The following ZNF682 variants were observed in gnomAD, a reference collection of about 807,000 sequenced individuals.
The protein encoded by ZNF682 is zinc finger protein 682.
ZNF682 carries 29 observed loss-of-function variants against 36.5 expected under a neutral mutation model. The ratio of observed to expected loss-of-function variants is 0.80; its 90% CI spans 0.59 to 1.08. The LOEUF (loss-of-function observed/expected upper bound fraction) is 1.08. ZNF682 is among the 50% of genes least tolerant of loss of function. The probability of loss-of-function intolerance (pLI) is 0.00; values close to 1 mark genes in which losing one functional copy is unlikely to be tolerated. For missense variants in ZNF682, 561 were observed against 579.7 expected, an observed-to-expected ratio of 0.97 and a Z score of 0.33; for synonymous variants, 180 against 197.0, an observed-to-expected ratio of 0.91 and a Z score of 0.72.
At chr19:20,030,210 G>A (rs898453968) in intron 1 of ZNF682, among the ~76,000 whole-genome samples, 4 of 152,142 alleles carry the variant, frequency 2.6e-5, no homozygotes, top group African/African-American at 9.7e-5. Context: ...AAAATGCATA[G>A]TGTTTTCTAG....
At chr19:20,021,545 ATTAAC>A (rs1367978521) in intron 3 of ZNF682, among the ~76,000 whole-genome samples, 4 of 152,208 alleles carry the variant, frequency 2.6e-5, no homozygotes, top group Non-Finnish European at 5.9e-5. Flanking sequence ...AGATGCATTC[ATTAAC>A]TTAACTGTAT....
At chr19:20,035,113 T>C (rs1051204268) in intron 1 of ZNF682, among the ~76,000 whole-genome samples, 3 of 152,184 alleles carry the variant, frequency 2.0e-5, no homozygotes, top group Non-Finnish European at 2.9e-5. Flanking sequence ...CATATATACA[T>C]ATAGACACTA....
intron 3 of ZNF682, among the ~76,000 whole-genome samples, chr19:20,012,767 CAAAAA>C (rs35481536): frequency 1.2e-5 from 1 of 83,740 alleles, no homozygotes. Context: ...GACTCCGTCT[CAAAAA>C]AAAAAAAAAA....
At chr19:20,001,998 A>G (rs902233903), downstream of ZNF682, among the ~76,000 whole-genome samples, 1 of 152,196 alleles carries the variant, frequency 6.6e-6, no homozygotes, top group Admixed American at 6.5e-5. Context: ...GGAGGTGTGC[A>G]GGGGATTTAG....
Position 20,012,209 on chromosome 19 carries a change from TAGA to T in ZNF682, c.227-4937_227-4935del, listed in dbSNP as rs551789083. On this transcript the variant is annotated intron_variant, in intron 3 of 3. Coordinates refer to ENST00000397165, the MANE Select transcript of ZNF682 (RefSeq NM_033196.3). Reference sequence around the variant, plus strand: ...AACGAGAACAAAGTAAATCCAAAGCTAGAAGAAGAAAAGAAATAATTCAAATCA... The same window carrying T: ...AACGAGAACAAAGTAAATCCAAAGCTAGAAGAAAAGAAATAATTCAAATCA... Among the ~76,000 whole-genome samples, 6 of 151,934 alleles carry T rather than the reference TAGA, an allele frequency of 3.9e-5. No individual in the cohort carries two copies. In the South Asian group the frequency reaches 1.0e-3, roughly 26 times the overall value.
intron 1 of ZNF682, among the ~76,000 whole-genome samples, chr19:20,031,601 C>T (rs1057467303): frequency 3.9e-5 from 6 of 152,190 alleles, no homozygotes; most frequent in African/African-American, 1.4e-4. Flanking sequence ...GCATGCTGCG[C>T]AAAACCAGAG....
At chr19:19,997,272 G>A (rs566963005) in intron 3 of ZNF682, 127 of 398,578 alleles carry the variant, frequency 3.2e-4, no homozygotes, top group African/African-American at 2.0e-3. Flanking sequence ...ACCTGAAATG[G>A]AAATGAGCTA....
intron 3 of ZNF682, chr19:20,008,199 T>C (rs911544810): frequency 2.0e-5 from 3 of 152,238 alleles, no homozygotes; most frequent in Admixed American, 6.5e-5. Context: ...AGTCATGGGA[T>C]CATGAGCCAG....
intron 3 of ZNF682, 117 bp downstream of exon 3, chr19:20,022,887 G>A (rs757932302): frequency 8.5e-6 from 7 of 825,920 alleles, no homozygotes; most frequent in Admixed American, 4.3e-5. Flanking sequence ...AAACAATCAC[G>A]TTCCTCAAAA....
chr19:20,026,165 T>C (rs955177202), intron 1 of ZNF682, among the ~76,000 whole-genome samples: 1 of 151,772 alleles, frequency 6.6e-6, no homozygotes, highest in Non-Finnish European at 1.5e-5. Flanking sequence ...TAGCCAGGTG[T>C]GGTGGTGGGC....
chr19:20,020,769 G>A (rs11665917), intron 3 of ZNF682, among the ~76,000 whole-genome samples: 2,917 of 152,230 alleles, frequency 0.019, 56 homozygotes, highest in South Asian at 0.06. Flanking sequence ...CAACATGGAT[G>A]GACCTGGAAG....
chr19:20,021,989 G>C (rs1427242246), intron 3 of ZNF682, among the ~76,000 whole-genome samples: 1 of 151,656 alleles, frequency 6.6e-6, no homozygotes, highest in African/African-American at 2.4e-5. Context: ...TGGCCAACAT[G>C]GTGAAACCCC....
At chr19:20,015,985 C>T in intron 3 of ZNF682, 3 of 377,944 alleles carry the variant, frequency 7.9e-6, no homozygotes, top group Middle Eastern at 6.8e-4. Context: ...GATGAAAATG[C>T]AAAGAAAGCT....
chr19:20,016,732 T>C (rs934634116), intron 3 of ZNF682, among the ~76,000 whole-genome samples: 2 of 152,084 alleles, frequency 1.3e-5, no homozygotes, highest in Non-Finnish European at 2.9e-5. Context: ...ATAAAGACTT[T>C]ATAAGGTAAA....
At chr19:20,022,345 C>CCAAAACAAAACAAAA (rs56274466) in intron 3 of ZNF682, among the ~76,000 whole-genome samples, 2 of 148,848 alleles carry the variant, frequency 1.3e-5, no homozygotes, top group African/African-American at 2.5e-5. Context: ...AAACCCAAAA[C>CCAAAACAAAACAAAA]CAAAACAAAA....
chr19:20,028,369 G>A (rs1568545837), intron 1 of ZNF682, among the ~76,000 whole-genome samples: 3 of 151,974 alleles, frequency 2.0e-5, no homozygotes, highest in Admixed American at 1.3e-4. Flanking sequence ...CACCATGCCC[G>A]GGTGGCTAAT....
intron 3 of ZNF682, chr19:20,015,545 G>A (rs950249498): frequency 8.7e-6 from 5 of 575,882 alleles, no homozygotes; most frequent in African/African-American, 4.1e-5. Flanking sequence ...AAATTGCAAA[G>A]CAAAATTAAA....
chr19:20,020,543 CA>C (rs1481894072), intron 3 of ZNF682, among the ~76,000 whole-genome samples: 3 of 151,816 alleles, frequency 2.0e-5, no homozygotes, highest in African/African-American at 7.3e-5. Flanking sequence ...AAAAAAATTC[CA>C]CATAATCCAG....
At chr19:20,037,223 C>G (rs149655939) in intron 1 of ZNF682, among the ~76,000 whole-genome samples, 1 of 152,108 alleles carries the variant, frequency 6.6e-6, no homozygotes, top group African/African-American at 2.4e-5. Flanking sequence ...TGTGGGGGAA[C>G]TAAAAGGCAA....
Sources: gnomAD v4.1 joint callset for allele counts (sites outside exome capture counted in the v4.1 genomes callset) on GRCh38, gnomAD v4.1.1 for gene constraint, MANE v1.5 for transcripts, NCBI Gene and HGNC (gene_info 2026-07-23, HGNC 2026-07-21) for gene names.